The following COP1 variants were observed in gnomAD, a reference collection of about 807,000 sequenced individuals.
COP1 encodes the protein COP1 E3 ubiquitin ligase.
In COP1, 24 loss-of-function variants were observed where a neutral mutation model predicts 101.3. That is an observed-to-expected ratio of 0.24 (90% CI 0.17 to 0.33). COP1 has a LOEUF of 0.33. COP1 is among the 10% of genes least tolerant of loss of function. The pLI, the probability that COP1 is intolerant of heterozygous loss-of-function variation, is 1.00. For synonymous variants in COP1, 347 were observed against 341.9 expected (o/e 1.01, Z -0.17); for missense variants, 663 against 906.2 (o/e 0.73, Z 3.45).
intron 6 of COP1, among the ~76,000 whole-genome samples, chr1:176,142,208 C>G (rs1353731115): frequency 6.6e-6 from 1 of 151,394 alleles, no homozygotes; most frequent in Non-Finnish European, 1.5e-5. Flanking sequence ...AGAGCAACCA[C>G]TAAAAAATGA....
In COP1 at chr1:176,031,382, T is replaced by A. The variant is rs139540633; in HGVS notation, c.1613-3694A>T. Among the ~76,000 whole-genome samples, 521 of 152,288 alleles carry A rather than the reference T, an allele frequency of 3.4e-3. 1 individual carries two copies. Among genetic ancestry groups the A allele is most frequent in the Middle Eastern group, 0.014 (4 of 294 alleles). ...AATATAAATGAGGCGATCCTCAAAA[T>A]AAGGAGACAGTATACAAATTAATAA... On this transcript the variant is annotated intron_variant, in intron 14 of 19. Transcript: ENST00000367669.
At chr1:176,099,538 T>C (rs1023546987) in intron 9 of COP1, among the ~76,000 whole-genome samples, 2 of 127,746 alleles carry the variant, frequency 1.6e-5, no homozygotes, top group Non-Finnish European at 3.5e-5. Flanking sequence ...TCTCTCTCTC[T>C]CTCCCTGGCT....
chr1:176,011,322 A>G (rs1248906541), intron 15 of COP1, among the ~76,000 whole-genome samples: 1 of 152,206 alleles, frequency 6.6e-6, no homozygotes. Context: ...CTGCAGTTCT[A>G]TTTGACAGTT....
intron 1 of COP1, chr1:176,206,301 G>C (rs538966986): frequency 4.3e-6 from 2 of 464,218 alleles, no homozygotes; most frequent in African/African-American, 4.1e-5. Context: ...CTCTTCCCTC[G>C]TCATTCGTTA....
chr1:176,164,849 T>A (rs532340400), intron 3 of COP1, among the ~76,000 whole-genome samples: 97 of 152,176 alleles, frequency 6.4e-4, no homozygotes, highest in Admixed American at 1.4e-3. Context: ...ATTTTTTTTT[T>A]AAAAAGGGAA....
intron 9 of COP1, among the ~76,000 whole-genome samples, chr1:176,107,842 C>T (rs543705039): frequency 4.6e-5 from 7 of 152,076 alleles, no homozygotes; most frequent in African/African-American, 7.2e-5. Flanking sequence ...GTATTCCTGA[C>T]GAAAATAGAT....
intron 9 of COP1, among the ~76,000 whole-genome samples, chr1:176,086,163 C>A (rs1458506470): frequency 4.6e-5 from 7 of 151,260 alleles, no homozygotes; most frequent in Admixed American, 1.3e-4. Flanking sequence ...ATCTTCACTT[C>A]TACAAATAAA....
At chr1:176,067,764 G>A (rs1014149245) in intron 11 of COP1, among the ~76,000 whole-genome samples, 2 of 152,220 alleles carry the variant, frequency 1.3e-5, no homozygotes, top group Non-Finnish European at 2.9e-5. Context: ...GAGGGTCTGA[G>A]TTGACTAACA....
chr1:176,097,223 T>G (rs1289308545), intron 9 of COP1, among the ~76,000 whole-genome samples: 1 of 151,884 alleles, frequency 6.6e-6, no homozygotes, highest in Non-Finnish European at 1.5e-5. Context: ...GACCTTGTTT[T>G]GTTGAAAAAA....
In COP1 at chr1:175,952,422, CAA is replaced by C. The variant is rs35585282; in HGVS notation, c.2134-5185_2134-5184del. Among the ~76,000 whole-genome samples the C allele has an allele frequency of 1.9e-3, 224 of 116,010 alleles. 1 individual carries two copies. Among genetic ancestry groups the C allele is most frequent in the East Asian group, 3.1e-3 (12 of 3,880 alleles). The allele number at this position is 116,010 out of a possible 152,430, so 76.1% of individuals were successfully genotyped here. A position where few individuals can be genotyped will look rare whatever the true frequency, so the allele number is the denominator to read the frequency against. The stretch of plus-strand genomic sequence containing the variant: ...GGGCGACAAGAGCAAGACTTCATCT[CAA>C]AAAAAAAAAAAAAAAGATGATAAAC... On this transcript the variant is annotated intron_variant, in intron 18 of 19. Transcript: ENST00000367669.
chr1:176,089,859 G>GT (rs1468937661), intron 9 of COP1, among the ~76,000 whole-genome samples: 1 of 152,164 alleles, frequency 6.6e-6, no homozygotes, highest in Non-Finnish European at 1.5e-5. Flanking sequence ...CCCCCAAATA[G>GT]TTTTTTGCCA....
chr1:176,034,279 A>T (rs908351727), intron 14 of COP1, among the ~76,000 whole-genome samples: 2 of 152,204 alleles, frequency 1.3e-5, no homozygotes, highest in African/African-American at 4.8e-5. Flanking sequence ...TAATGACTTC[A>T]GCAAACCAGG....
At chr1:176,078,109 CCAA>C (rs1344750785) in intron 11 of COP1, among the ~76,000 whole-genome samples, 3 of 152,082 alleles carry the variant, frequency 2.0e-5, no homozygotes, top group Admixed American at 6.6e-5. Context: ...CCTTAAAATA[CCAA>C]CGTCATTTTT....
intron 3 of COP1, among the ~76,000 whole-genome samples, chr1:176,166,052 TAAC>T (rs1695097020): frequency 6.6e-6 from 1 of 152,222 alleles, no homozygotes; most frequent in Non-Finnish European, 1.5e-5. Context: ...TGATTCTCAA[TAAC>T]AATACTGTAA....
chr1:176,143,511 TA>T (rs1420106172), intron 6 of COP1, among the ~76,000 whole-genome samples: 2 of 152,074 alleles, frequency 1.3e-5, no homozygotes, highest in Non-Finnish European at 2.9e-5. Flanking sequence ...TTGATAAAGC[TA>T]GCATAATCTT....
At chr1:176,009,407 A>G (rs4307526) in intron 15 of COP1, among the ~76,000 whole-genome samples, 114,859 of 152,132 alleles carry the variant, frequency 0.75, 45,157 homozygotes, top group East Asian at 0.92. Context: ...ACATAGTACC[A>G]TATAATAATA....
intron 18 of COP1, among the ~76,000 whole-genome samples, chr1:175,962,346 G>A (rs1335215674): frequency 6.6e-6 from 1 of 151,972 alleles, no homozygotes; most frequent in Non-Finnish European, 1.5e-5. Flanking sequence ...AAGATGAGAT[G>A]GTACTGAGAA....
At chr1:176,195,032 A>C (rs1025551782) in intron 1 of COP1, among the ~76,000 whole-genome samples, 1 of 151,764 alleles carries the variant, frequency 6.6e-6, no homozygotes, top group Non-Finnish European at 1.5e-5. Context: ...GGCTGCAGTG[A>C]GCTGTGATCA....
intron 18 of COP1, chr1:175,982,232 C>A: frequency 3.0e-6 from 1 of 332,552 alleles, no homozygotes; most frequent in South Asian, 2.5e-5. Flanking sequence ...AACATGCACA[C>A]TCTTTTATTC....
Sources: gnomAD v4.1 joint callset for allele counts (sites outside exome capture counted in the v4.1 genomes callset) on GRCh38, gnomAD v4.1.1 for gene constraint, MANE v1.5 for transcripts, NCBI Gene and HGNC (gene_info 2026-07-23, HGNC 2026-07-21) for gene names.